The following TMEM232 variants were observed in gnomAD, a reference collection of about 807,000 sequenced individuals.
TMEM232 encodes the protein transmembrane protein 232.
In TMEM232, 80 loss-of-function variants were observed where a neutral mutation model predicts 78.8. That is an observed-to-expected ratio of 1.01 (90% CI 0.85 to 1.22). The LOEUF (loss-of-function observed/expected upper bound fraction) is 1.22. Ranked by LOEUF, TMEM232 falls within the 50% of genes most tolerant of loss-of-function variation. The pLI is 0.00. For synonymous variants in TMEM232, 297 were observed against 254.3 expected (o/e 1.17, Z -1.60); for missense variants, 881 against 742.2 (o/e 1.19, Z -2.17).
rs183695559 is a variant in TMEM232 at position 110,721,620 on chromosome 5, C to T, written c.-13+5007G>A. Among the ~76,000 whole-genome samples the T allele has an allele frequency of 8.9e-5, 9 of 101,536 alleles. No individual in the cohort carries two copies. In the East Asian group the frequency reaches 2.4e-3, roughly 27 times the overall value. 66.6% of individuals were successfully genotyped at this position (101,536 alleles called of 152,430 possible). On this transcript the variant is annotated intron_variant, in intron 1 of 13. Transcript: ENST00000455884. ...ATGCTCCACAGAAATGACTCATAAG[C>T]TATCATATGTGTGAGATGTGTGAGT...
At chr5:110,564,943 A>C (rs911360267) in intron 11 of TMEM232, among the ~76,000 whole-genome samples, 1 of 151,998 alleles carries the variant, frequency 6.6e-6, no homozygotes, top group Non-Finnish European at 1.5e-5. Context: ...CAAGCCTGCT[A>C]TCTCATAGTT....
intron 2 of TMEM232, among the ~76,000 whole-genome samples, chr5:110,734,599 T>C (rs1798983750): frequency 6.6e-6 from 1 of 152,178 alleles, no homozygotes; most frequent in African/African-American, 2.4e-5. Context: ...AGAAAAAGAA[T>C]AAACTCGGCA....
intron 1 of TMEM232, among the ~76,000 whole-genome samples, chr5:110,679,439 G>T (rs777447520): frequency 2.0e-5 from 3 of 152,104 alleles, no homozygotes; most frequent in Non-Finnish European, 4.4e-5. Context: ...TTTATCGAAT[G>T]AGTCTTTTGC....
upstream of TMEM232, among the ~76,000 whole-genome samples, chr5:110,728,939 C>A (rs1798414770): frequency 6.6e-6 from 1 of 151,030 alleles, no homozygotes; most frequent in Admixed American, 6.6e-5. Flanking sequence ...GGCTGGAGTG[C>A]AATGGAGCGA....
intron 3 of TMEM232, among the ~76,000 whole-genome samples, chr5:110,394,980 G>A (rs1450549420): frequency 6.6e-6 from 1 of 152,090 alleles, no homozygotes; most frequent in Non-Finnish European, 1.5e-5. Flanking sequence ...ATTCTCTGTT[G>A]TTTTGCTTAA....
At chr5:110,627,949 A>T in intron 5 of TMEM232, 69 bp from the exon 6 acceptor site, 1 of 1,025,722 alleles carries the variant, frequency 9.7e-7, no homozygotes, top group East Asian at 2.7e-5. Context: ...CATAAGAAAA[A>T]TCAACCATTA....
At chr5:110,451,911 C>T (rs1015526838) in intron 12 of TMEM232, among the ~76,000 whole-genome samples, 11 of 151,868 alleles carry the variant, frequency 7.2e-5, no homozygotes, top group East Asian at 3.9e-4. Flanking sequence ...TATAGTTCAC[C>T]AATTTATTTA....
At chr5:110,702,437 T>C (rs185943359) in intron 1 of TMEM232, among the ~76,000 whole-genome samples, 1 of 152,166 alleles carries the variant, frequency 6.6e-6, no homozygotes, top group Admixed American at 6.6e-5. Context: ...CTGTTGACTT[T>C]ATATGTATCT....
intron 12 of TMEM232, among the ~76,000 whole-genome samples, chr5:110,438,964 G>T (rs1302319794): frequency 6.6e-6 from 1 of 152,086 alleles, no homozygotes; most frequent in South Asian, 2.1e-4. Flanking sequence ...AAAGCAGGAG[G>T]TTAAAAAATA....
At chr5:110,624,083 T>A (rs1784110195) in intron 7 of TMEM232, among the ~76,000 whole-genome samples, 1 of 152,130 alleles carries the variant, frequency 6.6e-6, no homozygotes, top group African/African-American at 2.4e-5. Flanking sequence ...GACAGTTGCC[T>A]ACCTCACAAC....
At chr5:110,628,662 A>AGTGTGTGTGTGTGTGTGTGT (rs146531604) in intron 5 of TMEM232, among the ~76,000 whole-genome samples, 1 of 140,726 alleles carries the variant, frequency 7.1e-6, no homozygotes, top group Non-Finnish European at 1.6e-5. Flanking sequence ...GTCAGTATCC[A>AGTGTGTGTGTGTGTGTGTGT]GTGTGTGTGT....
chr5:110,430,718 C>A (rs532086803), intron 12 of TMEM232, among the ~76,000 whole-genome samples: 39 of 151,688 alleles, frequency 2.6e-4, no homozygotes, highest in African/African-American at 9.4e-4. Context: ...TGAATAAATA[C>A]AATCTCAGTA....
chr5:110,573,200 T>C (rs1777161910), intron 10 of TMEM232, among the ~76,000 whole-genome samples: 2 of 152,082 alleles, frequency 1.3e-5, no homozygotes, highest in African/African-American at 4.8e-5. Context: ...TTGAACCCTT[T>C]GATAGACTTT....
chr5:110,518,997 A>G (rs1769098135), intron 12 of TMEM232, among the ~76,000 whole-genome samples: 1 of 152,170 alleles, frequency 6.6e-6, no homozygotes, highest in South Asian at 2.1e-4. Flanking sequence ...GGTGAATAAA[A>G]AGAAAAAAAT....
intron 12 of TMEM232, among the ~76,000 whole-genome samples, chr5:110,429,674 TAAAC>T (rs1445462509): frequency 6.6e-6 from 1 of 151,796 alleles, no homozygotes; most frequent in Non-Finnish European, 1.5e-5. Context: ...TTTTATCAAT[TAAAC>T]AAACCCTAGA....
intron 11 of TMEM232, among the ~76,000 whole-genome samples, chr5:110,557,784 C>A (rs147820769): frequency 6.6e-6 from 1 of 152,158 alleles, no homozygotes; most frequent in African/African-American, 2.4e-5. Flanking sequence ...CACCTCCCCC[C>A]AGGCCCCATA....
intron 11 of TMEM232, among the ~76,000 whole-genome samples, chr5:110,556,122 G>C (rs753346425): frequency 3.9e-5 from 6 of 152,124 alleles, no homozygotes; most frequent in Non-Finnish European, 5.9e-5. Flanking sequence ...CCCAGTAACA[G>C]TCTTTCATTT....
Position 110,424,936 on chromosome 5 carries a change from CA to C in TMEM232, c.1704-21del. 1 of 1,510,154 alleles carries C rather than the reference CA, an allele frequency of 6.6e-7. No individual in the cohort carries two copies. Among genetic ancestry groups the C allele is most frequent in the Non-Finnish European group, 9.0e-7 (1 of 1,113,208 alleles). 93.5% of individuals were successfully genotyped at this position (1,510,154 alleles called of 1,614,324 possible). ...TGTTCCCTTCAAAAGAGCACAAGAA[CA>C]AATCCAACATTAGGTATAGGTACTC... is the stretch of plus-strand genomic sequence containing the variant. On this transcript the variant is annotated intron_variant, in intron 12 of 13. Coordinates refer to ENST00000455884, the MANE Select transcript of TMEM232 (RefSeq NM_001039763.4).
chr5:110,717,042 C>A (rs1336716788), intron 1 of TMEM232, among the ~76,000 whole-genome samples: 1 of 152,136 alleles, frequency 6.6e-6, no homozygotes, highest in Non-Finnish European at 1.5e-5. Flanking sequence ...TGAAAGACCA[C>A]TTTGTACCAG....
Sources: gnomAD v4.1 joint callset for allele counts (sites outside exome capture counted in the v4.1 genomes callset) on GRCh38, gnomAD v4.1.1 for gene constraint, MANE v1.5 for transcripts, NCBI Gene and HGNC (gene_info 2026-07-23, HGNC 2026-07-21) for gene names.